Variants in PTPRQ observed in about 807,000 individuals in gnomAD.
The protein encoded by PTPRQ is protein tyrosine phosphatase receptor type Q.
In PTPRQ, 199 loss-of-function variants were observed where a neutral mutation model predicts 246.0. That is an observed-to-expected ratio of 0.81 (90% CI 0.72 to 0.91). PTPRQ has a LOEUF of 0.91. Among genes scored for constraint, PTPRQ ranks in the 40% least tolerant of loss-of-function variants. The probability of loss-of-function intolerance (pLI) is 0.00; values close to 1 mark genes in which losing one functional copy is unlikely to be tolerated. For synonymous variants in PTPRQ, 869 were observed against 853.2 expected, an observed-to-expected ratio of 1.02 and a Z score of -0.32; for missense variants, 2,624 against 2,528.4, an observed-to-expected ratio of 1.04 and a Z score of -0.81.
intron 6 of PTPRQ, chr12:80,462,201 CAGG>C (rs1314578544): frequency 6.5e-6 from 1 of 154,780 alleles, no homozygotes; most frequent in East Asian, 1.9e-4. Flanking sequence ...AACGGCACAC[CAGG>C]AGATTATATC....
intron 8 of PTPRQ, among the ~76,000 whole-genome samples, chr12:80,482,383 A>T (rs1894099528): frequency 6.6e-6 from 1 of 152,158 alleles, no homozygotes; most frequent in Admixed American, 6.5e-5. Context: ...TTCAAGATGG[A>T]TTAAAGACTT....
intron 10 of PTPRQ, 134 bp downstream of exon 10, chr12:80,493,589 T>C: frequency 7.8e-7 from 1 of 1,287,114 alleles, no homozygotes; most frequent in Non-Finnish European, 1.0e-6. Context: ...TTTTTAGCTG[T>C]CGGAAAACCT....
intron 6 of PTPRQ, chr12:80,465,080 A>G (rs1893341518): frequency 7.8e-6 from 1 of 127,614 alleles, no homozygotes; most frequent in Non-Finnish European, 1.6e-5. Context: ...GTTTTTTGAA[A>G]GGATCAACAA....
chr12:80,597,520 A>C (rs1203356351), intron 26 of PTPRQ, among the ~76,000 whole-genome samples: 1 of 151,986 alleles, frequency 6.6e-6, no homozygotes, highest in Admixed American at 6.6e-5. Flanking sequence ...GGCTTGATAC[A>C]TGTTTCCATG....
chr12:80,672,340 G>GT (rs1746911082), intron 42 of PTPRQ, among the ~76,000 whole-genome samples: 1 of 151,190 alleles, frequency 6.6e-6, no homozygotes, highest in Non-Finnish European at 1.5e-5. Context: ...ACTATACTCA[G>GT]TTTTATGTTA....
intron 6 of PTPRQ, chr12:80,465,606 G>A (rs191817561): frequency 9.9e-5 from 15 of 152,170 alleles, no homozygotes; most frequent in Non-Finnish European, 2.9e-5. Context: ...AAAATCCTCA[G>A]TAAAATACTG....
At chr12:80,538,126 T>C (rs1896044869) in intron 19 of PTPRQ, among the ~76,000 whole-genome samples, 1 of 152,010 alleles carries the variant, frequency 6.6e-6, no homozygotes, top group African/African-American at 2.4e-5. Context: ...AAAAAAGTGT[T>C]AAATGAATAT....
Position 80,567,931 on chromosome 12 carries a change from C to A in PTPRQ, c.4285+18197C>A, listed in dbSNP as rs548903119. On this transcript the variant is annotated intron_variant, in intron 25 of 44. Coordinates refer to ENST00000644991, the MANE Select transcript of PTPRQ (RefSeq NM_001145026.2). ...ATTTGGTGTTATAATATTAGCCCTG[C>A]GAGGTGACATAAAAAGTATATATTT... 6.9e-4 allele frequency among the ~76,000 whole-genome samples: 105 copies of A among 152,156 alleles called. No homozygotes were observed. In the Middle Eastern group the frequency reaches 0.01, roughly 15 times the overall value.
intron 17 of PTPRQ, among the ~76,000 whole-genome samples, chr12:80,531,448 C>T (rs1895840545): frequency 6.6e-6 from 1 of 152,042 alleles, no homozygotes; most frequent in Non-Finnish European, 1.5e-5. Flanking sequence ...AATGAATTTC[C>T]TACATACGAA....
At chr12:80,534,428 A>G (rs1030274771) in intron 18 of PTPRQ, among the ~76,000 whole-genome samples, 15 of 152,162 alleles carry the variant, frequency 9.9e-5, no homozygotes, top group Admixed American at 3.3e-4. Flanking sequence ...AAGATTACAT[A>G]AGTTTATATT....
chr12:80,576,292 C>T (rs1897278353), intron 25 of PTPRQ, among the ~76,000 whole-genome samples: 1 of 151,952 alleles, frequency 6.6e-6, no homozygotes, highest in South Asian at 2.1e-4. Flanking sequence ...TAGGCACGTG[C>T]CATCACACCC....
At chr12:80,458,603 G>A (rs147057586) in intron 4 of PTPRQ, among the ~76,000 whole-genome samples, 145 of 151,308 alleles carry the variant, frequency 9.6e-4, no homozygotes, top group African/African-American at 3.3e-3. Flanking sequence ...TGTCATGTTT[G>A]TTTTATATTC....
chr12:80,459,657 C>T (rs1893089017), intron 5 of PTPRQ, among the ~76,000 whole-genome samples, 174 bp downstream of exon 5: 1 of 152,056 alleles, frequency 6.6e-6, no homozygotes, highest in Non-Finnish European at 1.5e-5. Context: ...TATCATGTAA[C>T]ACAATTGGCC....
At chr12:80,520,036 G>A (rs550660460) in intron 17 of PTPRQ, among the ~76,000 whole-genome samples, 3 of 152,040 alleles carry the variant, frequency 2.0e-5, no homozygotes, top group Non-Finnish European at 4.4e-5. Flanking sequence ...GGTGGGGATT[G>A]GGGGGGATAC....
intron 19 of PTPRQ, 38 bp downstream of exon 19, chr12:80,535,075 C>T: frequency 6.9e-7 from 1 of 1,458,670 alleles, no homozygotes; most frequent in Non-Finnish European, 9.0e-7. Context: ...TTATTAACAT[C>T]CTTAAGTTTT....
intron 33 of PTPRQ, among the ~76,000 whole-genome samples, chr12:80,628,125 T>G (rs780637535): frequency 6.6e-6 from 1 of 152,132 alleles, no homozygotes; most frequent in African/African-American, 2.4e-5. Flanking sequence ...TTCATCTTCA[T>G]GCCTCCTTTC....
At chr12:80,499,584 A>C (rs1894734370) in intron 14 of PTPRQ, among the ~76,000 whole-genome samples, 1 of 151,934 alleles carries the variant, frequency 6.6e-6, no homozygotes, top group South Asian at 2.1e-4. Flanking sequence ...CCCACTCTTC[A>C]ATATTGTTTC....
At chr12:80,448,245 C>A (rs973759781) in intron 3 of PTPRQ, among the ~76,000 whole-genome samples, 23 of 151,824 alleles carry the variant, frequency 1.5e-4, no homozygotes, top group Non-Finnish European at 3.2e-4. Context: ...ATTTGTATCC[C>A]AAAACTTTAT....
At chr12:80,608,449 G>A (rs1321814765) in intron 27 of PTPRQ, among the ~76,000 whole-genome samples, 1 of 149,858 alleles carries the variant, frequency 6.7e-6, no homozygotes, top group African/African-American at 2.4e-5. Flanking sequence ...TTCAAATTTT[G>A]TTAAATACTT....
Sources: gnomAD v4.1 joint callset for allele counts (sites outside exome capture counted in the v4.1 genomes callset) on GRCh38, gnomAD v4.1.1 for gene constraint, MANE v1.5 for transcripts, NCBI Gene and HGNC (gene_info 2026-07-23, HGNC 2026-07-21) for gene names.